The following RNF220 variants were observed in gnomAD, a reference collection of about 807,000 sequenced individuals.
RNF220 encodes E3 ubiquitin-protein ligase RNF220.
Under a neutral mutation model 67.1 loss-of-function variants are expected in RNF220, and 7 were observed. The observed-to-expected ratio is 0.10, with a 90% CI of 0.06 to 0.20. RNF220 has a LOEUF of 0.20. RNF220 is among the 10% of genes least tolerant of loss of function. The pLI, the probability that RNF220 is intolerant of heterozygous loss-of-function variation, is 1.00. For synonymous variants in RNF220, 270 were observed against 283.2 expected (o/e 0.95, Z 0.47); for missense variants, 565 against 740.3 (o/e 0.76, Z 2.75).
At chr1:44,551,679 A>C (rs1232812337) in intron 2 of RNF220, among the ~76,000 whole-genome samples, 1 of 152,180 alleles carries the variant, frequency 6.6e-6, no homozygotes, top group Non-Finnish European at 1.5e-5. Context: ...TGATTAGCCA[A>C]AGGGGAAAAA....
chr1:44,566,557 G>A (rs1347556350), intron 2 of RNF220, among the ~76,000 whole-genome samples: 1 of 152,186 alleles, frequency 6.6e-6, no homozygotes, highest in East Asian at 1.9e-4. Context: ...TCCCTTTCTA[G>A]AAATGACCTA....
chr1:44,429,386 C>G (rs1396091851), intron 2 of RNF220, among the ~76,000 whole-genome samples: 1 of 152,066 alleles, frequency 6.6e-6, no homozygotes, highest in Non-Finnish European at 1.5e-5. Context: ...TTCAGGTGTC[C>G]CTATTAACAT....
intron 1 of RNF220, among the ~76,000 whole-genome samples, chr1:44,408,418 T>C (rs1647620128): frequency 6.6e-6 from 1 of 152,116 alleles, no homozygotes; most frequent in Non-Finnish European, 1.5e-5. Context: ...TCGCATATGG[T>C]GGTAAAATTT....
chr1:44,617,265 C>T (rs1221421937), intron 3 of RNF220, among the ~76,000 whole-genome samples: 1 of 152,142 alleles, frequency 6.6e-6, no homozygotes, highest in Non-Finnish European at 1.5e-5. Context: ...GTCTCGGCCC[C>T]GCCGCGCCCG....
At chr1:44,595,629 G>A (rs1305019056) in intron 2 of RNF220, among the ~76,000 whole-genome samples, 1 of 152,160 alleles carries the variant, frequency 6.6e-6, no homozygotes, top group African/African-American at 2.4e-5. Context: ...CTGAGCACGT[G>A]TTTGTCTGCT....
intron 12 of RNF220, among the ~76,000 whole-genome samples, chr1:44,646,515 C>T (rs760593905): frequency 8.5e-5 from 13 of 152,318 alleles, no homozygotes; most frequent in Non-Finnish European, 1.9e-4. Flanking sequence ...GGAGGAATGA[C>T]GTATGGATGT....
chr1:44,472,267 A>G, intron 2 of RNF220, among the ~76,000 whole-genome samples: 1 of 152,162 alleles, frequency 6.6e-6, no homozygotes, highest in East Asian at 1.9e-4. Flanking sequence ...TGATAACTGT[A>G]TGTTTAACAT....
At chr1:44,432,998 C>A (rs1234789532) in intron 2 of RNF220, among the ~76,000 whole-genome samples, 2 of 150,606 alleles carry the variant, frequency 1.3e-5, no homozygotes, top group Non-Finnish European at 2.9e-5. Context: ...GATGCGATCT[C>A]GGCTCACTAC....
At chr1:44,474,310 G>A (rs1655086266) in intron 2 of RNF220, among the ~76,000 whole-genome samples, 1 of 151,572 alleles carries the variant, frequency 6.6e-6, no homozygotes, top group Non-Finnish European at 1.5e-5. Context: ...GGCAGGCGGA[G>A]GTTGCAGTAA....
At chr1:44,501,842 G>T (rs779247557) in intron 2 of RNF220, among the ~76,000 whole-genome samples, 10 of 152,000 alleles carry the variant, frequency 6.6e-5, no homozygotes, top group Non-Finnish European at 1.0e-4. Context: ...ACCCTCTGCT[G>T]ACCCTCCTCT....
At position 44,650,612 on chromosome 1, in the gene RNF220, T is replaced by C. The variant is rs1432518772; in HGVS notation, c.1630-92T>C. The C allele has an allele frequency of 1.5e-6, 2 of 1,354,578 alleles. No individual in the cohort carries two copies. Among genetic ancestry groups the C allele is most frequent in the East Asian group, 2.3e-5 (1 of 43,216 alleles). 83.9% of individuals were successfully genotyped at this position (1,354,578 alleles called of 1,614,324 possible). ...ACAGGACCAAGGTCTCAGCACACAC[T>C]GGTGCAGAGAGACATGGCTGCAGGC... On this transcript the variant is annotated intron_variant, in intron 14 of 14. Transcript: ENST00000361799. This position sits in a 1 kb window ranked among gnomAD's most constrained non-coding sequence, Gnocchi z 4.3.
intron 2 of RNF220, among the ~76,000 whole-genome samples, chr1:44,430,999 T>C (rs770476559): frequency 5.9e-5 from 9 of 152,242 alleles, no homozygotes; most frequent in Non-Finnish European, 1.2e-4. Flanking sequence ...TTCTTCCAAA[T>C]GGTCAAGTGG....
chr1:44,528,579 C>T (rs966683273), intron 2 of RNF220, among the ~76,000 whole-genome samples: 11 of 150,020 alleles, frequency 7.3e-5, no homozygotes, highest in Admixed American at 5.3e-4. Flanking sequence ...GGATTACAGG[C>T]GTAAGCCACT....
At chr1:44,545,980 A>G (rs985905449) in intron 2 of RNF220, among the ~76,000 whole-genome samples, 3 of 152,130 alleles carry the variant, frequency 2.0e-5, no homozygotes, top group African/African-American at 7.2e-5. Context: ...CTCCTACCTC[A>G]TTGCAAACCT....
intron 7 of RNF220, chr1:44,635,825 C>G: frequency 7.8e-7 from 1 of 1,283,772 alleles, no homozygotes; most frequent in Non-Finnish European, 1.1e-6. Flanking sequence ...CACTCTCACT[C>G]ATTCCCTCCT....
At chr1:44,504,138 G>A (rs559100097) in intron 2 of RNF220, among the ~76,000 whole-genome samples, 7 of 152,258 alleles carry the variant, frequency 4.6e-5, no homozygotes, top group African/African-American at 1.4e-4. Context: ...ATGAGCCACC[G>A]TGCCCGGCCG....
chr1:44,500,915 C>A (rs1190372835), intron 2 of RNF220, among the ~76,000 whole-genome samples: 2 of 152,342 alleles, frequency 1.3e-5, no homozygotes, highest in East Asian at 1.9e-4. Flanking sequence ...AGGGGCGAAG[C>A]ACCCTTCGGG....
Position 44,405,475 on chromosome 1 carries a change from G to A in RNF220, c.-173G>A, listed in dbSNP as rs948079889. On this transcript the variant is annotated 5_prime_UTR_variant, in exon 1 of 15. Coordinates refer to ENST00000361799, the MANE Select transcript of RNF220 (RefSeq NM_018150.4). Reference sequence around the variant, plus strand: ...TTTTCATGCACCACACTCTCCGCCTGCTTCCCTCCGTGTCCTGAAAAGTGC... The same window carrying A: ...TTTTCATGCACCACACTCTCCGCCTACTTCCCTCCGTGTCCTGAAAAGTGC... The A allele has an allele frequency of 6.1e-5, 32 of 525,990 alleles. No individual in the cohort carries two copies. In the South Asian group the frequency reaches 7.3e-4, roughly 12 times the overall value. 32.6% of individuals were successfully genotyped at this position (525,990 alleles called of 1,614,324 possible).
intron 8 of RNF220, among the ~76,000 whole-genome samples, chr1:44,640,457 C>A (rs1644454753): frequency 1.3e-5 from 2 of 152,216 alleles, no homozygotes; most frequent in African/African-American, 4.8e-5. Context: ...TCCCCCGTGG[C>A]AACTGATGGG....
Sources: allele counts gnomAD v4.1 joint callset (sites outside exome capture counted in the v4.1 genomes callset), GRCh38; gene constraint gnomAD v4.1.1; non-coding constraint Gnocchi (gnomAD v3.1); transcripts MANE v1.5; gene names NCBI Gene and HGNC (gene_info 2026-07-23, HGNC 2026-07-21).